SYNDIG1: variants seen among roughly 807,000 people sequenced by gnomAD.
SYNDIG1 encodes synapse differentiation-inducing gene protein 1.
Under a neutral mutation model 19.4 loss-of-function variants are expected in SYNDIG1, and 9 were observed. The ratio of observed to expected loss-of-function variants is 0.46; its 90% CI spans 0.28 to 0.81. The LOEUF (loss-of-function observed/expected upper bound fraction) is 0.81. Among genes scored for constraint, SYNDIG1 ranks in the 30% least tolerant of loss-of-function variants. The pLI, the probability that SYNDIG1 is intolerant of heterozygous loss-of-function variation, is 0.12. For missense variants in SYNDIG1, 311 were observed against 343.3 expected, an observed-to-expected ratio of 0.91 and a Z score of 0.74; for synonymous variants, 141 against 145.9, an observed-to-expected ratio of 0.97 and a Z score of 0.24.
chr20:24,635,433 C>T (rs991178952), intron 3 of SYNDIG1, among the ~76,000 whole-genome samples: 15 of 152,252 alleles, frequency 9.9e-5, no homozygotes, highest in African/African-American at 3.6e-4. Context: ...ATTTCCCGCC[C>T]GTGATTCTAA....
At chr20:24,620,942 T>A (rs1485959680) in intron 3 of SYNDIG1, among the ~76,000 whole-genome samples, 2 of 152,250 alleles carry the variant, frequency 1.3e-5, no homozygotes, top group Non-Finnish European at 2.9e-5. Context: ...GCAATTTGAC[T>A]GAGATGCTAT....
rs1413798989 is a variant in SYNDIG1 at position 24,665,730 on chromosome 20, G to T, written c.*226G>T. On this transcript the variant is annotated 3_prime_UTR_variant, in exon 4 of 4. Transcript: ENST00000376862. ...GCACTGCTAATCCTTCCAAAGGAAAGCTCCAAAGATCCCAGCCCGCAAGGC... is the reference window on the plus strand; with the variant it reads ...GCACTGCTAATCCTTCCAAAGGAAATCTCCAAAGATCCCAGCCCGCAAGGC... 3.6e-6 allele frequency: 2 copies of T among 562,522 alleles called. No individual in the cohort carries two copies. Among genetic ancestry groups the T allele is most frequent in the African/African-American group, 2.0e-5 (1 of 50,410 alleles). 34.8% of individuals were successfully genotyped at this position (562,522 alleles called of 1,614,324 possible). A position where few individuals can be genotyped will look rare whatever the true frequency, so the allele number is the denominator to read the frequency against.
rs114136725 is a variant in SYNDIG1, at chr20:24,471,162, C to T, written c.-79+1409C>T. On this transcript the variant is annotated intron_variant, in intron 1 of 3. Coordinates refer to ENST00000376862, the MANE Select transcript of SYNDIG1 (RefSeq NM_024893.3). ...TGTGGGGTGAGCAGCCTCATAGCCC[C>T]CAGAGCCGGCCAACTTCTCCGTGCT... Among the ~76,000 whole-genome samples the T allele has an allele frequency of 4.2e-3, 637 of 152,150 alleles. 3 individuals are homozygous for T. Among genetic ancestry groups the T allele is most frequent in the African/African-American group, 0.014 (593 of 41,492 alleles).
In SYNDIG1 at chr20:24,543,113, G is replaced by C. The variant is rs775567660; in HGVS notation, c.16G>C (p.Glu6Gln). 6.2e-7 allele frequency: 1 copy of C among 1,613,766 alleles called. No homozygotes were observed. MDGIIEQKSMLVHSKI... is the reference protein window; with the variant it reads MDGIIQQKSMLVHSKI... ...AGAGAGTACCATGGATGGCATCATT[G>C]AACAGAAGAGCATGCTGGTGCACAG... Residue 6 changes from glutamate to glutamine, a missense_variant, in exon 2 of 4, where the codon GAA becomes CAA. Transcript: ENST00000376862.
intron 3 of SYNDIG1, among the ~76,000 whole-genome samples, chr20:24,656,802 C>T (rs780340470): frequency 2.6e-4 from 40 of 152,264 alleles, no homozygotes; most frequent in Non-Finnish European, 5.6e-4. Context: ...TGGCTTCTCC[C>T]TGGCCAGGGC....
chr20:24,485,536 T>C (rs2055932326), intron 1 of SYNDIG1, among the ~76,000 whole-genome samples: 1 of 152,220 alleles, frequency 6.6e-6, no homozygotes, highest in Non-Finnish European at 1.5e-5. Flanking sequence ...TCCAGACTTA[T>C]GCAGAAATCA....
chr20:24,511,325 G>T (rs1284181694), intron 1 of SYNDIG1, among the ~76,000 whole-genome samples: 1 of 152,164 alleles, frequency 6.6e-6, no homozygotes, highest in Non-Finnish European at 1.5e-5. Flanking sequence ...GTTCCTCAGT[G>T]TAGGAGTTTC....
At chr20:24,507,260 G>A (rs912497491) in intron 1 of SYNDIG1, among the ~76,000 whole-genome samples, 9 of 152,242 alleles carry the variant, frequency 5.9e-5, no homozygotes, top group South Asian at 2.1e-4. Flanking sequence ...CCACAGGAGC[G>A]TGCTGCCTGC....
At chr20:24,493,681 A>G (rs1048047918) in intron 1 of SYNDIG1, among the ~76,000 whole-genome samples, 1 of 152,220 alleles carries the variant, frequency 6.6e-6, no homozygotes, top group Non-Finnish European at 1.5e-5. Context: ...AAGATGCTCA[A>G]ATGCTCAGTG....
At chr20:24,600,644 T>G (rs2058666153) in intron 3 of SYNDIG1, among the ~76,000 whole-genome samples, 1 of 150,248 alleles carries the variant, frequency 6.7e-6, no homozygotes, top group South Asian at 2.1e-4. Context: ...TTCACTCTTG[T>G]CACCTAGACC....
chr20:24,626,408 C>G (rs1485520872), intron 3 of SYNDIG1, among the ~76,000 whole-genome samples: 2 of 151,468 alleles, frequency 1.3e-5, no homozygotes, highest in Admixed American at 1.3e-4. Context: ...GGGTCGTGGC[C>G]GGGCCGAGGC....
intron 1 of SYNDIG1, among the ~76,000 whole-genome samples, chr20:24,493,605 C>A (rs2056217993): frequency 6.6e-6 from 1 of 152,222 alleles, no homozygotes; most frequent in African/African-American, 2.4e-5. Context: ...GTTGCAGGCT[C>A]CATGAGAGGG....
At chr20:24,590,258 G>T (rs2058486068) in intron 3 of SYNDIG1, among the ~76,000 whole-genome samples, 1 of 151,986 alleles carries the variant, frequency 6.6e-6, no homozygotes, top group African/African-American at 2.4e-5. Flanking sequence ...GGGGGAGCAC[G>T]TGGGGCAGGT....
chr20:24,617,976 GA>G (rs2058969163), intron 3 of SYNDIG1, among the ~76,000 whole-genome samples: 1 of 144,184 alleles, frequency 6.9e-6, no homozygotes, highest in Admixed American at 6.8e-5. Flanking sequence ...GGTGGGGGCT[GA>G]AGTCTGGAGA....
At chr20:24,633,135 T>G (rs985202755) in intron 3 of SYNDIG1, among the ~76,000 whole-genome samples, 19 of 152,156 alleles carry the variant, frequency 1.2e-4, no homozygotes, top group African/African-American at 4.6e-4. Flanking sequence ...GCAGCAAGCT[T>G]ACTGCCATGC....
intron 1 of SYNDIG1, chr20:24,502,097 G>T (rs542938152): frequency 6.6e-6 from 1 of 152,580 alleles, no homozygotes; most frequent in South Asian, 2.1e-4. Flanking sequence ...TTCCCACAGG[G>T]CTGAGCCCCA....
Position 24,578,150 on chromosome 20 carries a change from G to A in SYNDIG1, c.481-6706G>A, listed in dbSNP as rs566246272. Among the ~76,000 whole-genome samples the A allele has an allele frequency of 7.2e-5, 11 of 152,328 alleles. No homozygotes were observed. In the Middle Eastern group the frequency reaches 0.017, roughly 236 times the overall value. ...ATTTCTGCCCTCCTGGTGCTTAGAG[G>A]AAGGGAGTCGGGATGGGCATGATGG... On this transcript the variant is annotated intron_variant, in intron 2 of 3. Coordinates refer to ENST00000376862, the MANE Select transcript of SYNDIG1 (RefSeq NM_024893.3).
Position 24,543,551 on chromosome 20 carries a change from G to A in SYNDIG1, c.454G>A (p.Glu152Lys). ...CCACACCCTGTCCTACGATGTGGAG[G>A]AGGAGGAGGAGTTCCAGGAGCTGGA... ...KIHTLSYDVE[E>K]EEEFQELESD... Residue 152 changes from glutamate (E) to lysine (K), a missense_variant, in exon 2 of 4, where the codon GAG (glutamate) becomes AAG (lysine). Transcript: ENST00000376862. 1 of 1,602,114 alleles carries A rather than the reference G, an allele frequency of 6.2e-7. No individual in the cohort carries two copies. Among genetic ancestry groups the A allele is most frequent in the Non-Finnish European group, 8.5e-7 (1 of 1,179,302 alleles).
At chr20:24,567,961 C>T (rs2058080585) in intron 2 of SYNDIG1, among the ~76,000 whole-genome samples, 4 of 152,006 alleles carry the variant, frequency 2.6e-5, no homozygotes, top group Admixed American at 2.6e-4. Context: ...TGGTGAAACC[C>T]TGTCTCTACT....
Sources: allele counts gnomAD v4.1 joint callset (sites outside exome capture counted in the v4.1 genomes callset), GRCh38; gene constraint gnomAD v4.1.1; transcripts MANE v1.5; gene names NCBI Gene and HGNC (gene_info 2026-07-23, HGNC 2026-07-21).